Variants in FRMD6 observed in about 807,000 individuals in gnomAD.
FRMD6 encodes the protein FERM domain containing 6, also known as FERM domain-containing protein 6.
Under a neutral mutation model 73.2 loss-of-function variants are expected in FRMD6, and 37 were observed. The ratio of observed to expected loss-of-function variants is 0.51; its 90% CI spans 0.39 to 0.66. The LOEUF is 0.66. Among genes scored for constraint, FRMD6 ranks in the 30% least tolerant of loss-of-function variants. The pLI, the probability that FRMD6 is intolerant of heterozygous loss-of-function variation, is 0.00. For synonymous variants in FRMD6, 273 were observed against 282.2 expected, an observed-to-expected ratio of 0.97 and a Z score of 0.33; for missense variants, 714 against 780.5, an observed-to-expected ratio of 0.91 and a Z score of 1.02.
chr14:51,701,655 T>G (rs1896328673), intron 4 of FRMD6, among the ~76,000 whole-genome samples: 1 of 149,788 alleles, frequency 6.7e-6, no homozygotes, highest in South Asian at 2.1e-4. Context: ...AAGTGTCACA[T>G]TAATCAAGTA....
chr14:51,728,542 G>C lies in FRMD6; in HGVS notation c.*513G>C, dbSNP rs1430502116. On this transcript the variant is annotated 3_prime_UTR_variant, in exon 14 of 14. Transcript: ENST00000344768. Reference sequence around the variant, plus strand: ...TTCCTCCCTGAGGCTGTCCCAAAGTGAACACTGATGGAGTGGTCAAAATCA... The same window carrying C: ...TTCCTCCCTGAGGCTGTCCCAAAGTCAACACTGATGGAGTGGTCAAAATCA... 5 of 160,938 alleles carry C rather than the reference G, an allele frequency of 3.1e-5. No homozygotes were observed. The highest frequency in any genetic ancestry group is 2.9e-4 in the Admixed American group (5 of 17,506). The allele number at this position is 160,938 out of a possible 1,614,324, so 10.0% of individuals were successfully genotyped here.
intron 8 of FRMD6, among the ~76,000 whole-genome samples, chr14:51,711,801 C>A (rs1296824417): frequency 6.6e-6 from 1 of 151,926 alleles, no homozygotes; most frequent in African/African-American, 2.4e-5. Context: ...TAACAGAAAA[C>A]AATAAGTAAT....
chr14:51,612,735 T>C (rs1326974244), intron 2 of FRMD6, among the ~76,000 whole-genome samples: 2 of 152,190 alleles, frequency 1.3e-5, no homozygotes, highest in East Asian at 3.8e-4. Flanking sequence ...GTTGGAGAAC[T>C]GTACTTTTGA....
Position 51,686,000 on chromosome 14 carries a change from T to C in FRMD6, c.-146-3691T>C, listed in dbSNP as rs182880868. 3.0e-3 allele frequency among the ~76,000 whole-genome samples: 457 copies of C among 152,330 alleles called. 2 individuals are homozygous for C. The highest frequency in any genetic ancestry group is 0.011 in the African/African-American group (442 of 41,586). Reference sequence around the variant, plus strand: ...AGATACCATATTGACTGTTGATACATGCCTACTTAGTCATGCTTCGCTTAC... The same window carrying C: ...AGATACCATATTGACTGTTGATACACGCCTACTTAGTCATGCTTCGCTTAC... On this transcript the variant is annotated intron_variant, in intron 1 of 13. Transcript: ENST00000344768.
intron 1 of FRMD6, among the ~76,000 whole-genome samples, chr14:51,562,337 A>G (rs1887527852): frequency 6.6e-6 from 1 of 152,200 alleles, no homozygotes; most frequent in Non-Finnish European, 1.5e-5. Context: ...ATCTCTATCT[A>G]GGAGGTCATG....
rs545761736 is a variant in FRMD6 at position 51,718,162 on chromosome 14, C to T, written c.1025-1893C>T. ...ATGTTTCTCTCAGTTTGTAACTGAA[C>T]GGTGTGAAGCTTCCTAAATGTCTGG... On this transcript the variant is annotated intron_variant, in intron 10 of 13. Coordinates refer to ENST00000344768, the MANE Select transcript of FRMD6 (RefSeq NM_001267046.2). 3.9e-5 allele frequency among the ~76,000 whole-genome samples: 6 copies of T among 152,248 alleles called. No homozygotes were observed. The South Asian group carries it at 6.2e-4, about 16-fold the overall frequency.
At chr14:51,441,303 C>T in the FRMD6 span, among the ~76,000 whole-genome samples, 1 of 152,218 alleles carries the variant, frequency 6.6e-6, no homozygotes, top group African/African-American at 2.4e-5. Flanking sequence ...CCTGACACTT[C>T]TATCAGGCAA....
intron 1 of FRMD6, among the ~76,000 whole-genome samples, chr14:51,685,530 CAG>C (rs1348696520): frequency 6.6e-6 from 1 of 152,166 alleles, no homozygotes; most frequent in Admixed American, 6.5e-5. Flanking sequence ...TGAACAAAAA[CAG>C]AACTCATTTT....
At chr14:51,428,431 T>C in the FRMD6 span, among the ~76,000 whole-genome samples, 1 of 152,204 alleles carries the variant, frequency 6.6e-6, no homozygotes, top group African/African-American at 2.4e-5. Flanking sequence ...AGTGTGGTCA[T>C]TATATGCTGC....
chr14:51,713,105 C>A (rs1385836811), intron 9 of FRMD6, among the ~76,000 whole-genome samples: 1 of 151,646 alleles, frequency 6.6e-6, no homozygotes, highest in Non-Finnish European at 1.5e-5. Context: ...CAGCTATATC[C>A]GTTTTTTGGT....
Position 51,708,517 on chromosome 14 carries a change from A to C in FRMD6, c.714+284A>C, listed in dbSNP as rs184673379. Among the ~76,000 whole-genome samples the C allele has an allele frequency of 3.9e-5, 6 of 152,076 alleles. No individual in the cohort carries two copies. In the East Asian group the frequency reaches 7.7e-4, roughly 20 times the overall value. ...ATCTGACTTTTTTAGTGATTATGGC[A>C]TTGTTATTTCTCTCCTCCCCAAATC... On this transcript the variant is annotated intron_variant, in intron 7 of 13. Coordinates refer to ENST00000344768, the MANE Select transcript of FRMD6 (RefSeq NM_001267046.2).
intron 2 of FRMD6, chr14:51,576,280 A>G (rs1359044596): frequency 6.6e-6 from 1 of 152,218 alleles, no homozygotes; most frequent in Non-Finnish European, 1.5e-5. Flanking sequence ...TACAGACAGT[A>G]AGCCCAGTGT....
At chr14:51,512,734 C>T (rs1046760769) in intron 1 of FRMD6, among the ~76,000 whole-genome samples, 35 of 151,972 alleles carry the variant, frequency 2.3e-4, no homozygotes, top group African/African-American at 7.7e-4. Context: ...CTGTATGTAC[C>T]GGATTCTTTC....
intron 2 of FRMD6, among the ~76,000 whole-genome samples, chr14:51,642,114 A>C (rs1315237071): frequency 6.6e-6 from 1 of 152,216 alleles, no homozygotes; most frequent in Non-Finnish European, 1.5e-5. Flanking sequence ...GTGGGATTTC[A>C]GTGAAAGTAC....
At chr14:51,509,878 G>T (rs1884195146) in intron 1 of FRMD6, among the ~76,000 whole-genome samples, 1 of 152,046 alleles carries the variant, frequency 6.6e-6, no homozygotes, top group African/African-American at 2.4e-5. Context: ...CACCCGTCTT[G>T]GTCTCCCAAA....
At chr14:51,414,390 G>T in the FRMD6 span, among the ~76,000 whole-genome samples, 1 of 152,170 alleles carries the variant, frequency 6.6e-6, no homozygotes. Context: ...AGTTTTCCCA[G>T]CACCATTTAT....
At chr14:51,497,927 G>T (rs1473882282) in intron 1 of FRMD6, among the ~76,000 whole-genome samples, 2 of 152,124 alleles carry the variant, frequency 1.3e-5, no homozygotes, top group East Asian at 3.9e-4. Context: ...GTCCTTTAGA[G>T]GCCTTAATAC....
At chr14:51,466,723 C>A in the FRMD6 span, among the ~76,000 whole-genome samples, 3 of 152,172 alleles carry the variant, frequency 2.0e-5, no homozygotes, top group Admixed American at 1.3e-4. Flanking sequence ...ATTCTAGATT[C>A]TTTGCAATTT....
chr14:51,577,136 G>T (rs1325937584), intron 2 of FRMD6, among the ~76,000 whole-genome samples: 2 of 152,150 alleles, frequency 1.3e-5, no homozygotes, highest in Non-Finnish European at 2.9e-5. Context: ...TGTTTCTTCT[G>T]TTGGTATTTG....
Sources: gnomAD v4.1 joint callset for allele counts (sites outside exome capture counted in the v4.1 genomes callset) on GRCh38, gnomAD v4.1.1 for gene constraint, MANE v1.5 for transcripts, NCBI Gene and HGNC (gene_info 2026-07-23, HGNC 2026-07-21) for gene names.